NR3C2: variants seen among roughly 807,000 people sequenced by gnomAD.
NR3C2 encodes the protein nuclear receptor subfamily 3 group C member 2.
NR3C2 carries 15 observed loss-of-function variants against 86.4 expected under a neutral mutation model. The observed-to-expected ratio is 0.17, with a 90% confidence interval of 0.12 to 0.27. NR3C2 has a LOEUF of 0.27. Ranked by LOEUF, NR3C2 falls within the 10% of genes least tolerant of loss-of-function variation. NR3C2 has a pLI of 1.00. For synonymous variants in NR3C2, 458 were observed against 450.5 expected (o/e 1.02, Z -0.21); for missense variants, 960 against 1,195.6 (o/e 0.80, Z 2.91).
At chr4:148,230,277 T>A (rs1738392798) in intron 3 of NR3C2, among the ~76,000 whole-genome samples, 1 of 152,296 alleles carries the variant, frequency 6.6e-6, no homozygotes, top group Non-Finnish European at 1.5e-5. Context: ...CACTGCAACC[T>A]CCGCCTCCCA....
chr4:148,134,679 C>T (rs1300470620), intron 6 of NR3C2, among the ~76,000 whole-genome samples: 24 of 55,856 alleles, frequency 4.3e-4, no homozygotes, highest in East Asian at 1.1e-3. Flanking sequence ...GAGGGAGTCT[C>T]GCTCTATCGC....
chr4:148,262,436 C>A (rs1740167244), intron 2 of NR3C2, among the ~76,000 whole-genome samples: 1 of 152,120 alleles, frequency 6.6e-6, no homozygotes, highest in African/African-American at 2.4e-5. Flanking sequence ...CAACTGCCCA[C>A]GTGGTATCTC....
At chr4:148,436,969 T>C (rs1750113246) in intron 1 of NR3C2, 107 bp from the exon 2 acceptor site, 2 of 871,910 alleles carry the variant, frequency 2.3e-6, no homozygotes, top group Admixed American at 2.4e-5. Flanking sequence ...TTCTACTTAT[T>C]ATGAGCAACA....
intron 2 of NR3C2, among the ~76,000 whole-genome samples, chr4:148,350,761 G>C (rs553306688): frequency 2.0e-5 from 3 of 152,278 alleles, no homozygotes; most frequent in African/African-American, 7.2e-5. Flanking sequence ...TGTCACAGGT[G>C]TCTTAAATGG....
rs551578056 is a variant in NR3C2 at position 148,243,473 on chromosome 4, G to T, written c.1897+16505C>A. Among the ~76,000 whole-genome samples, 8 of 152,082 alleles carry T rather than the reference G, an allele frequency of 5.3e-5. No individual in the cohort carries two copies. In the East Asian group the frequency reaches 1.5e-3, roughly 29 times the overall value. On this transcript the variant is annotated intron_variant, in intron 3 of 8. Coordinates refer to ENST00000358102, the MANE Select transcript of NR3C2 (RefSeq NM_000901.5). ...TGCCTCAATGATTACTTTTTAAAAG[G>T]CTTTCCAATATCCACCTAATATGCT...
At chr4:148,153,441 G>A (rs1167888460) in intron 5 of NR3C2, among the ~76,000 whole-genome samples, 2 of 152,140 alleles carry the variant, frequency 1.3e-5, no homozygotes, top group Non-Finnish European at 2.9e-5. Context: ...GCCTCCCAAA[G>A]TCTGGGATTA....
In NR3C2 at chr4:148,081,464, G is replaced by A; in HGVS notation, c.2835C>T (p.Thr945=). The A allele has an allele frequency of 6.2e-7, 1 of 1,614,116 alleles. No homozygotes were observed. The highest frequency in any genetic ancestry group is 8.5e-7 in the Non-Finnish European group (1 of 1,180,010). ...CCTTCAGCGCATGGGACTCTCGGAA[G>A]GTGTAGAAGCAGAATTCCAGCAGGT... ...VSDLLEFCFY[T]FRESHALKVE... is the part of the protein sequence containing the mutation. The change falls in exon 9 of 9, where the codon ACC becomes ACT. Residue 945 remains threonine (T), a synonymous_variant. Transcript: ENST00000358102.
In NR3C2 at chr4:148,259,937, A is replaced by G; in HGVS notation, c.1897+41T>C. On this transcript the variant is annotated intron_variant, in intron 3 of 8. Coordinates refer to ENST00000358102, the MANE Select transcript of NR3C2 (RefSeq NM_000901.5). ...TAGCTGTACAAGTAAACTACACACT[A>G]GGAAAAAATATGTAAAAGGAACACC... 5 of 1,613,242 alleles carry G rather than the reference A, an allele frequency of 3.1e-6. No homozygotes were observed. In the South Asian group the frequency reaches 5.5e-5, roughly 18 times the overall value.
intron 6 of NR3C2, among the ~76,000 whole-genome samples, chr4:148,136,981 T>G (rs1477032852): frequency 1.3e-5 from 2 of 152,228 alleles, no homozygotes; most frequent in Non-Finnish European, 2.9e-5. Context: ...ATAGATAGTT[T>G]CAATATTTAC....
intron 2 of NR3C2, among the ~76,000 whole-genome samples, chr4:148,272,934 G>A (rs984558696): frequency 1.3e-5 from 2 of 152,154 alleles, no homozygotes; most frequent in African/African-American, 4.8e-5. Context: ...AGAAGTTGAA[G>A]TAGGCTGTTT....
chr4:148,377,828 T>A (rs746952387), intron 2 of NR3C2, among the ~76,000 whole-genome samples: 2 of 152,100 alleles, frequency 1.3e-5, no homozygotes, highest in Non-Finnish European at 2.9e-5. Context: ...TGGTGGCAGG[T>A]GGAGAAGAGA....
chr4:148,211,126 G>T (rs1214311229), intron 3 of NR3C2, among the ~76,000 whole-genome samples: 1 of 152,216 alleles, frequency 6.6e-6, no homozygotes, highest in Non-Finnish European at 1.5e-5. Context: ...TCCCACATAA[G>T]AGTCTTAAGT....
intron 2 of NR3C2, among the ~76,000 whole-genome samples, chr4:148,261,262 C>T (rs984275851): frequency 2.6e-4 from 34 of 130,982 alleles, no homozygotes; most frequent in African/African-American, 8.6e-4. Context: ...CTATGGTCAG[C>T]GCTATGGTGC....
intron 2 of NR3C2, among the ~76,000 whole-genome samples, chr4:148,345,802 G>C (rs1218721749): frequency 6.6e-6 from 1 of 151,982 alleles, no homozygotes; most frequent in Non-Finnish European, 1.5e-5. Context: ...ACTGACTACA[G>C]GCCAGGTACC....
intron 8 of NR3C2, among the ~76,000 whole-genome samples, chr4:148,085,577 A>C (rs1578864352): frequency 6.6e-6 from 1 of 152,214 alleles, no homozygotes; most frequent in Admixed American, 6.5e-5. Flanking sequence ...ATCACAATTA[A>C]AAGAACTAGA....
intron 4 of NR3C2, among the ~76,000 whole-genome samples, chr4:148,181,229 A>G (rs1309240222): frequency 6.6e-6 from 1 of 152,228 alleles, no homozygotes; most frequent in Non-Finnish European, 1.5e-5. Context: ...GCATGATTTT[A>G]GTATTTTAGT....
chr4:148,114,081 A>G (rs1169722114), intron 8 of NR3C2, 23 bp downstream of exon 8: 1 of 1,611,876 alleles, frequency 6.2e-7, no homozygotes, highest in Non-Finnish European at 8.5e-7. Flanking sequence ...TTCACTTAGG[A>G]ACCAAGGAGG....
chr4:148,413,725 T>C (rs1287932734), intron 2 of NR3C2, among the ~76,000 whole-genome samples: 1 of 152,134 alleles, frequency 6.6e-6, no homozygotes, highest in East Asian at 1.9e-4. Context: ...TATGAAAATA[T>C]GCCCAATTTT....
intron 3 of NR3C2, among the ~76,000 whole-genome samples, chr4:148,252,429 C>T (rs1049542457): frequency 2.0e-5 from 3 of 152,132 alleles, no homozygotes; most frequent in Non-Finnish European, 2.9e-5. Context: ...CTGGTAAGTA[C>T]TCAGTAGCTA....
Sources: gnomAD v4.1 joint callset for allele counts (sites outside exome capture counted in the v4.1 genomes callset) on GRCh38, gnomAD v4.1.1 for gene constraint, MANE v1.5 for transcripts, NCBI Gene and HGNC (gene_info 2026-07-23, HGNC 2026-07-21) for gene names.